SNX6: variants seen among roughly 807,000 people sequenced by gnomAD.
The protein encoded by SNX6 is sorting nexin-6.
Under a neutral mutation model 63.0 loss-of-function variants are expected in SNX6, and 34 were observed. The observed-to-expected ratio is 0.54, with a 90% CI of 0.41 to 0.72. The LOEUF (loss-of-function observed/expected upper bound fraction) is 0.72, where lower values mean the gene tolerates loss of function less well. SNX6 is among the 30% of genes least tolerant of loss of function. The pLI, the probability that SNX6 is intolerant of heterozygous loss-of-function variation, is 0.00. For synonymous variants in SNX6, 170 were observed against 164.2 expected, an observed-to-expected ratio of 1.04 and a Z score of -0.27; for missense variants, 398 against 471.4, an observed-to-expected ratio of 0.84 and a Z score of 1.44.
chr14:34,624,720 T>C lies in SNX6; in HGVS notation c.54+5187A>G, dbSNP rs149461801. Among the ~76,000 whole-genome samples, 567 of 151,782 alleles carry C rather than the reference T, an allele frequency of 3.7e-3. 1 individual carries two copies. Among genetic ancestry groups the C allele is most frequent in the African/African-American group, 0.013 (537 of 41,426 alleles). On this transcript the variant is annotated intron_variant, in intron 2 of 13. Coordinates refer to ENST00000362031, the MANE Select transcript of SNX6 (RefSeq NM_152233.4). Reference sequence around the variant, plus strand: ...CTGAGGCAGGAGAATAGCTTGAACTTGGGAGCCAGAGGTTGCAGTGAGTCA... The same window carrying C: ...CTGAGGCAGGAGAATAGCTTGAACTCGGGAGCCAGAGGTTGCAGTGAGTCA...
chr14:34,587,617 A>AAAAC (rs1041843598), intron 8 of SNX6, among the ~76,000 whole-genome samples: 8 of 151,348 alleles, frequency 5.3e-5, no homozygotes, highest in Non-Finnish European at 7.4e-5. Context: ...ACTCCATCTC[A>AAAAC]AAACAAACAA....
At chr14:34,597,092 C>T (rs969469048) in intron 7 of SNX6, among the ~76,000 whole-genome samples, 3 of 152,252 alleles carry the variant, frequency 2.0e-5, no homozygotes, top group African/African-American at 7.2e-5. Context: ...CTCTGTCTGT[C>T]CTGCATCTAG....
intron 4 of SNX6, among the ~76,000 whole-genome samples, chr14:34,607,723 C>A (rs1410027525): frequency 2.0e-5 from 3 of 152,108 alleles, no homozygotes; most frequent in Non-Finnish European, 4.4e-5. Flanking sequence ...GCCTGGCCAA[C>A]ATGGTGAAAC....
At chr14:34,624,760 C>A (rs1883761489) in intron 2 of SNX6, among the ~76,000 whole-genome samples, 1 of 151,668 alleles carries the variant, frequency 6.6e-6, no homozygotes, top group Non-Finnish European at 1.5e-5. Flanking sequence ...CGCACCACTG[C>A]ACTCCAGCCT....
chr14:34,587,339 TG>T (rs1402414451), intron 8 of SNX6, among the ~76,000 whole-genome samples: 2 of 151,828 alleles, frequency 1.3e-5, no homozygotes, highest in East Asian at 3.9e-4. Flanking sequence ...GAGACCATCC[TG>T]GCTAACACGG....
chr14:34,629,703 C>A, intron 2 of SNX6: 1 of 849,058 alleles, frequency 1.2e-6, no homozygotes, highest in South Asian at 1.5e-5. Flanking sequence ...AAAGCGGCCG[C>A]GGGTCCCCGG....
chr14:34,580,528 T>A (rs1403999843), intron 10 of SNX6, among the ~76,000 whole-genome samples: 1 of 152,126 alleles, frequency 6.6e-6, no homozygotes, highest in East Asian at 1.9e-4. Flanking sequence ...GTCGAACTCC[T>A]GGCCTCTACT....
intron 13 of SNX6, among the ~76,000 whole-genome samples, chr14:34,566,230 T>C (rs1881177450): frequency 6.6e-6 from 1 of 152,254 alleles, no homozygotes; most frequent in Non-Finnish European, 1.5e-5. Flanking sequence ...ACAGCAAATG[T>C]TAAATAAATT....
intron 2 of SNX6, among the ~76,000 whole-genome samples, chr14:34,624,884 G>T (rs1266254267): frequency 6.6e-6 from 1 of 152,070 alleles, no homozygotes; most frequent in Non-Finnish European, 1.5e-5. Context: ...TTTGCAACTT[G>T]TATCAATATG....
At chr14:34,622,117 C>A (rs1350277236) in intron 2 of SNX6, among the ~76,000 whole-genome samples, 1 of 151,482 alleles carries the variant, frequency 6.6e-6, no homozygotes, top group Non-Finnish European at 1.5e-5. Flanking sequence ...TACCGTCACA[C>A]CTGGCTAATT....
rs1881669130 is a variant in SNX6, at chr14:34,575,771, T to G, written c.906A>C (p.Glu302Asp). 6.3e-7 allele frequency: 1 copy of G among 1,578,396 alleles called. No homozygotes were observed. The highest frequency in any genetic ancestry group is 1.2e-5 in the South Asian group (1 of 85,756). Reference protein sequence around the residue: ...LSDLLKYYLRESQAAKDLLYR... With the variant: ...LSDLLKYYLRDSQAAKDLLYR... Reference sequence around the variant, plus strand: ...TTAAAATTACCTTAGCAGCTTGAGATTCTCTTAAGTAATATTTTAAAAGAT... The same window carrying G: ...TTAAAATTACCTTAGCAGCTTGAGAGTCTCTTAAGTAATATTTTAAAAGAT... Residue 302 changes from glutamate (E) to aspartate (D), a missense_variant, in exon 11 of 14, where the codon GAA (glutamate) becomes GAC (aspartate). Physicochemically the swap from Glu to Asp is conservative, Grantham distance 45 (BLOSUM62 2). Coordinates refer to ENST00000362031, the MANE Select transcript of SNX6 (RefSeq NM_152233.4).
chr14:34,566,980 C>CG (rs1881209802), intron 13 of SNX6, among the ~76,000 whole-genome samples: 1 of 151,900 alleles, frequency 6.6e-6, no homozygotes, highest in Non-Finnish European at 1.5e-5. Context: ...CTCAGCACTA[C>CG]GGGAGGCCGA....
At chr14:34,573,556 C>T (rs1466096574) in intron 11 of SNX6, among the ~76,000 whole-genome samples, 1 of 151,604 alleles carries the variant, frequency 6.6e-6, no homozygotes, top group Non-Finnish European at 1.5e-5. Flanking sequence ...GCCTGGGCAA[C>T]AGGGCGAGAC....
chr14:34,583,735 A>G (rs1298940692), intron 9 of SNX6, among the ~76,000 whole-genome samples: 2 of 152,174 alleles, frequency 1.3e-5, no homozygotes, highest in South Asian at 2.1e-4. Flanking sequence ...CAATTTTACG[A>G]ACTTTGCTTT....
At chr14:34,603,196 T>A in intron 6 of SNX6, 152 bp downstream of exon 6, 1 of 585,502 alleles carries the variant, frequency 1.7e-6, no homozygotes, top group Non-Finnish European at 2.7e-6. Flanking sequence ...GAGAATGGCA[T>A]GAACCCGGGA....
At chr14:34,603,514 C>G (rs369302787) in intron 5 of SNX6, 43 bp from the exon 6 acceptor site, 3 of 1,500,292 alleles carry the variant, frequency 2.0e-6, no homozygotes, top group Non-Finnish European at 2.7e-6. Context: ...ACTCCATCAA[C>G]TAAAAAGTCA....
intron 9 of SNX6, among the ~76,000 whole-genome samples, chr14:34,585,720 C>T (rs1442820392): frequency 9.3e-5 from 14 of 151,266 alleles, no homozygotes; most frequent in Admixed American, 8.6e-4. Context: ...CTCAGCCTCC[C>T]GAGTAGCTAG....
chr14:34,615,069 C>T (rs1397596354), intron 2 of SNX6, among the ~76,000 whole-genome samples: 1 of 151,948 alleles, frequency 6.6e-6, no homozygotes, highest in Non-Finnish European at 1.5e-5. Context: ...ACAGTTCTTT[C>T]TCTTCCATTT....
chr14:34,573,272 C>A (rs1881531385), intron 11 of SNX6, among the ~76,000 whole-genome samples: 1 of 152,054 alleles, frequency 6.6e-6, no homozygotes, highest in Non-Finnish European at 1.5e-5. Flanking sequence ...GTCACAGTAC[C>A]CAGCCAAAAA....
Sources: gnomAD v4.1 joint callset for allele counts (sites outside exome capture counted in the v4.1 genomes callset) on GRCh38, gnomAD v4.1.1 for gene constraint, MANE v1.5 for transcripts, NCBI Gene and HGNC (gene_info 2026-07-23, HGNC 2026-07-21) for gene names.